Variants in BSN observed in about 807,000 individuals in gnomAD.
The protein encoded by BSN is bassoon presynaptic cytomatrix protein, also known as protein bassoon.
In BSN, 57 loss-of-function variants were observed where a neutral mutation model predicts 264.8. That is an observed-to-expected ratio of 0.22 (90% CI 0.17 to 0.27). The LOEUF is 0.27. BSN is among the 10% of genes least tolerant of loss of function. BSN has a pLI of 1.00. For synonymous variants in BSN, 2,059 were observed against 2,137.3 expected (o/e 0.96, Z 1.01); for missense variants, 4,615 against 5,232.5 (o/e 0.88, Z 3.64).
intron 1 of BSN, among the ~76,000 whole-genome samples, chr3:49,565,608 C>T (rs2051746953): frequency 6.6e-6 from 1 of 152,096 alleles, no homozygotes; most frequent in Admixed American, 6.5e-5. Context: ...GCGTGAGCTA[C>T]CGCGCCCGGC....
At position 49,668,993 on chromosome 3, in the gene BSN, T is replaced by C. The variant is rs929156762; in HGVS notation, c.*1508T>C. 3.0e-4 allele frequency: 34 copies of C among 111,964 alleles called. No homozygotes were observed. Among genetic ancestry groups the C allele is most frequent in the African/African-American group, 1.1e-3 (33 of 28,718 alleles). The allele number at this position is 111,964 out of a possible 1,614,324, so 6.9% of individuals were successfully genotyped here. A position where few individuals can be genotyped will look rare whatever the true frequency, so the allele number is the denominator to read the frequency against. The stretch of plus-strand genomic sequence containing the variant: ...CCTCCCCACCCCACCCCTGCTCCCA[T>C]TGTGTGTGTGAAATTCTCAGTCTGT... On this transcript the variant is annotated 3_prime_UTR_variant, in exon 12 of 12. Transcript: ENST00000296452.
In BSN at chr3:49,657,587, G is replaced by A; in HGVS notation, c.8031G>A (p.Glu2677=). 1.9e-6 allele frequency: 3 copies of A among 1,612,060 alleles called. No homozygotes were observed. The highest frequency in any genetic ancestry group is 2.5e-6 in the Non-Finnish European group (3 of 1,179,234). The change falls in exon 5 of 12, where the codon GAG becomes GAA. Residue 2677 remains glutamate (E), a synonymous_variant. Transcript: ENST00000296452. The stretch of plus-strand genomic sequence containing the variant: ...TCAGTGACTGCTCCGTGCAGACGGA[G>A]CCTGACCAGCTGCCCAGGGTCTCTC... The part of the protein sequence containing the change: ...QTISDCSVQT[E]PDQLPRVSPA...
chr3:49,605,310 ATAT>A (rs1379704012), intron 1 of BSN, among the ~76,000 whole-genome samples: 1 of 97,312 alleles, frequency 1.0e-5, no homozygotes, highest in Non-Finnish European at 1.9e-5. Flanking sequence ...ATTATATATT[ATAT>A]TATATATATA....
chr3:49,616,163 G>GCAGGC (rs1446535798), intron 1 of BSN, among the ~76,000 whole-genome samples: 6 of 152,218 alleles, frequency 3.9e-5, no homozygotes, highest in Non-Finnish European at 7.3e-5. Context: ...TGAAGGCTGG[G>GCAGGC]CAGGCCAGGA....
chr3:49,656,595 G>A lies in BSN; in HGVS notation c.7039G>A (p.Gly2347Arg). 6.3e-7 allele frequency: 1 copy of A among 1,599,970 alleles called. No homozygotes were observed. Among genetic ancestry groups the A allele is most frequent in the Non-Finnish European group, 8.5e-7 (1 of 1,173,000 alleles). Residue 2347 changes from glycine (G) to arginine (R), a missense_variant, in exon 5 of 12, where the codon GGG becomes AGG. This residue lies in a region of BSN where 3,415 missense variants were observed against 3,866.4 expected (regional missense o/e 0.88). Transcript: ENST00000296452. ...AGATGCTGCTCCTGGGGGTGGCAGT[G>A]GGGCCCTCAGCCGGCCAGGGTTCGA... ...PADAAPGGGS[G>R]ALSRPGFEKE...
At chr3:49,594,639 A>C (rs984680704) in intron 1 of BSN, among the ~76,000 whole-genome samples, 1 of 152,140 alleles carries the variant, frequency 6.6e-6, no homozygotes, top group Non-Finnish European at 1.5e-5. Flanking sequence ...TTTTTTGAGA[A>C]GATTATTTTA....
At chr3:49,663,915 G>A in intron 8 of BSN, 29 bp downstream of exon 8, 1 of 1,603,828 alleles carries the variant, frequency 6.2e-7, no homozygotes, top group South Asian at 1.1e-5. Flanking sequence ...ACCCTTGGCT[G>A]TGGCCCAGAG....
chr3:49,649,570 A>G (rs540522415), intron 3 of BSN, among the ~76,000 whole-genome samples: 1 of 152,358 alleles, frequency 6.6e-6, no homozygotes, highest in Admixed American at 6.5e-5. Flanking sequence ...GACCTGCTGC[A>G]GGAATCACCC....
At chr3:49,659,971 C>T (rs1281703960) in intron 5 of BSN, among the ~76,000 whole-genome samples, 1 of 152,076 alleles carries the variant, frequency 6.6e-6, no homozygotes, top group Admixed American at 6.5e-5. Context: ...GAGCCTGCCA[C>T]GATTGGCATA....
chr3:49,656,921 C>CCAGCAGCTGCAGCAGCAGCTG lies in BSN; in HGVS notation c.7373_7393dup (p.Leu2458_Gln2464dup). ...AGCAGCGTCTGCAGCTGGAGCAGAT[C>CCAGCAGCTGCAGCAGCAGCTG]CAGCAGCTGCAGCAGCAGCTGCAGC... On this transcript the variant is annotated inframe_insertion, in exon 5 of 12. Transcript: ENST00000296452. The CCAGCAGCTGCAGCAGCAGCTG allele has an allele frequency of 1.9e-6, 3 of 1,598,632 alleles. 1 individual carries two copies. Among genetic ancestry groups the CCAGCAGCTGCAGCAGCAGCTG allele is most frequent in the East Asian group, 4.5e-5 (2 of 44,352 alleles).
intron 2 of BSN, among the ~76,000 whole-genome samples, chr3:49,636,720 C>T (rs1231841694): frequency 6.6e-6 from 1 of 152,232 alleles, no homozygotes; most frequent in African/African-American, 2.4e-5. Context: ...CTGGCTGGTC[C>T]AGCTCTGGAT....
At position 49,605,312 on chromosome 3, in the gene BSN, AT is replaced by A. The variant is rs1443929309; in HGVS notation, c.225-19661del. Reference sequence around the variant, plus strand: ...ATATATTTTATATATTATATATTATATTATATATATATATTTATAAATATAT... The same window carrying A: ...ATATATTTTATATATTATATATTATATATATATATATATTTATAAATATAT... On this transcript the variant is annotated intron_variant, in intron 1 of 11. Coordinates refer to ENST00000296452, the MANE Select transcript of BSN (RefSeq NM_003458.4). Among the ~76,000 whole-genome samples, 3 of 96,096 alleles carry A rather than the reference AT, an allele frequency of 3.1e-5. No homozygotes were observed. In the East Asian group the frequency reaches 7.5e-4, roughly 24 times the overall value. 63.0% of individuals were successfully genotyped at this position (96,096 alleles called of 152,430 possible). A position where few individuals can be genotyped will look rare whatever the true frequency, so the allele number is the denominator to read the frequency against.
chr3:49,584,548 T>C (rs2051919911), intron 1 of BSN, among the ~76,000 whole-genome samples: 1 of 152,180 alleles, frequency 6.6e-6, no homozygotes, highest in Admixed American at 6.5e-5. Flanking sequence ...GATGTTTTGA[T>C]ACAGGCATGC....
At chr3:49,565,514 G>A (rs374156033) in intron 1 of BSN, among the ~76,000 whole-genome samples, 6 of 152,098 alleles carry the variant, frequency 3.9e-5, no homozygotes, top group African/African-American at 1.2e-4. Flanking sequence ...TAGAGACGGG[G>A]TTTCACCGTG....
intron 1 of BSN, among the ~76,000 whole-genome samples, chr3:49,574,418 G>T (rs75517755): frequency 6.6e-6 from 1 of 152,054 alleles, no homozygotes; most frequent in Non-Finnish European, 1.5e-5. Context: ...TTGCAGGGGT[G>T]GGGGCAGGAA....
At chr3:49,658,964 A>C (rs2108091904) in intron 5 of BSN, among the ~76,000 whole-genome samples, 1 of 152,276 alleles carries the variant, frequency 6.6e-6, no homozygotes, top group East Asian at 1.9e-4. Flanking sequence ...GCTTTTCCTA[A>C]AGACCCTGGA....
chr3:49,614,866 T>C (rs1160789165), intron 1 of BSN, among the ~76,000 whole-genome samples: 1 of 152,202 alleles, frequency 6.6e-6, no homozygotes, highest in Non-Finnish European at 1.5e-5. Flanking sequence ...GTTCTCAATC[T>C]AGTAGACCCA....
chr3:49,562,857 G>T (rs1426670771), intron 1 of BSN, among the ~76,000 whole-genome samples: 1 of 152,144 alleles, frequency 6.6e-6, no homozygotes, highest in African/African-American at 2.4e-5. Context: ...CTGGCTGGGG[G>T]TCAGAAATTC....
At position 49,651,924 on chromosome 3, in the gene BSN, T is replaced by C; in HGVS notation, c.2368T>C (p.Trp790Arg). 6.2e-7 allele frequency: 1 copy of C among 1,613,646 alleles called. No individual in the cohort carries two copies. Among genetic ancestry groups the C allele is most frequent in the Non-Finnish European group, 8.5e-7 (1 of 1,179,908 alleles). Residue 790 changes from tryptophan (W) to arginine (R), a missense_variant, in exon 5 of 12, where the codon TGG becomes CGG. By Grantham distance (101) the Trp-to-Arg change is moderately radical. Transcript: ENST00000296452. This position sits in a 1 kb window ranked among gnomAD's most constrained non-coding sequence, Gnocchi z 5.4. ...ILEEDEDSAE[W>R]RRRREQQDTA... ...GGAGGAAGACGAAGACTCTGCTGAG[T>C]GGAGGCGCCGGAGAGAGCAGCAGGA...
Sources: allele counts gnomAD v4.1 joint callset (sites outside exome capture counted in the v4.1 genomes callset), GRCh38; gene constraint gnomAD v4.1.1; regional missense constraint gnomAD v4.1.1; non-coding constraint Gnocchi (gnomAD v3.1); transcripts MANE v1.5; gene names NCBI Gene and HGNC (gene_info 2026-07-23, HGNC 2026-07-21).